UBA3: variants seen among roughly 807,000 people sequenced by gnomAD.
The protein encoded by UBA3 is NEDD8-activating enzyme E1 catalytic subunit.
In UBA3, 26 loss-of-function variants were observed where a neutral mutation model predicts 73.5. The observed-to-expected ratio is 0.35, with a 90% CI of 0.26 to 0.49. UBA3 has a LOEUF of 0.49. UBA3 is among the 20% of genes least tolerant of loss of function. The probability of loss-of-function intolerance (pLI) is 0.98; values close to 1 mark genes in which losing one functional copy is unlikely to be tolerated. For synonymous variants in UBA3, 217 were observed against 191.2 expected, an observed-to-expected ratio of 1.13 and a Z score of -1.11; for missense variants, 495 against 555.6, an observed-to-expected ratio of 0.89 and a Z score of 1.10.
At chr3:69,067,254 T>C (rs1008179027) in intron 6 of UBA3, among the ~76,000 whole-genome samples, 1 of 152,208 alleles carries the variant, frequency 6.6e-6, no homozygotes, top group African/African-American at 2.4e-5. Context: ...ATCAGCATTT[T>C]GTAGTTTTTC....
chr3:69,070,779 T>A (rs2092115754), intron 5 of UBA3, among the ~76,000 whole-genome samples: 1 of 152,016 alleles, frequency 6.6e-6, no homozygotes, highest in Non-Finnish European at 1.5e-5. Context: ...CAGCTTCCCA[T>A]GCAGCAGGGA....
intron 8 of UBA3, 86 bp from the exon 9 acceptor site, chr3:69,063,223 G>A (rs1204410154): frequency 1.8e-5 from 27 of 1,533,910 alleles, no homozygotes; most frequent in Admixed American, 5.7e-5. Flanking sequence ...CCTATGAGTC[G>A]GTTGTGCTAT....
At chr3:69,076,037 T>C (rs1201315736) in intron 3 of UBA3, among the ~76,000 whole-genome samples, 5 of 152,238 alleles carry the variant, frequency 3.3e-5, no homozygotes, top group Admixed American at 6.5e-5. Flanking sequence ...CGGCCATTAA[T>C]GTTTTTAAAT....
intron 17 of UBA3, 100 bp from the exon 18 acceptor site, chr3:69,055,625 A>C: frequency 1.0e-6 from 1 of 967,810 alleles, no homozygotes. Context: ...CTAGAAAAAC[A>C]TCAAAATCCA....
rs746331741 is a variant in UBA3, at chr3:69,061,938, A to C, written c.797-11T>G. 2 of 1,557,580 alleles carry C rather than the reference A, an allele frequency of 1.3e-6. No homozygotes were observed. The highest frequency in any genetic ancestry group is 3.9e-5 in the Admixed American group (2 of 50,672). On this transcript the variant is annotated splice_polypyrimidine_tract_variant and intron_variant, in intron 10 of 17. Coordinates refer to ENST00000361055, the MANE Select transcript of UBA3 (RefSeq NM_003968.4). ...CTAATGGAACCCCTTCTGTTTAAAA[A>C]AAAAAAGGGAGAGAGAGAGAGAGAG...
intron 2 of UBA3, among the ~76,000 whole-genome samples, chr3:69,078,639 A>G (rs113997516): frequency 0.11 from 16,460 of 151,890 alleles, 1,202 homozygotes; most frequent in Middle Eastern, 0.19. Flanking sequence ...ATACCCAGCC[A>G]ATTTTTGTAT....
chr3:69,056,117 T>C, intron 15 of UBA3, 54 bp from the exon 16 acceptor site: 1 of 1,558,156 alleles, frequency 6.4e-7, no homozygotes, highest in Non-Finnish European at 8.6e-7. Flanking sequence ...CAAAAGATAA[T>C]TTTTTTAAGG....
chr3:69,062,891 T>G lies in UBA3; in HGVS notation c.693+91A>C, dbSNP rs76896041. ...TTTTTAAAATACGGCCACTTCTAAT[T>G]AACAATCCTAAATATTAACTAGACT... On this transcript the variant is annotated intron_variant, in intron 9 of 17. Coordinates refer to ENST00000361055, the MANE Select transcript of UBA3 (RefSeq NM_003968.4). 3.1e-3 allele frequency: 4,540 copies of G among 1,472,104 alleles called. 119 individuals carry two copies. The African/African-American group carries it at 0.058, about 19-fold the overall frequency. 91.2% of individuals were successfully genotyped at this position (1,472,104 alleles called of 1,614,324 possible). A position where few individuals can be genotyped will look rare whatever the true frequency, so the allele number is the denominator to read the frequency against.
At chr3:69,066,160 TA>T (rs967091974) in intron 6 of UBA3, among the ~76,000 whole-genome samples, 1 of 152,162 alleles carries the variant, frequency 6.6e-6, no homozygotes, top group African/African-American at 2.4e-5. Context: ...TACAAAAAAT[TA>T]TTTTAATTTT....
intron 5 of UBA3, 179 bp downstream of exon 5, chr3:69,071,356 A>G (rs1231870761): frequency 2.0e-6 from 1 of 498,118 alleles, no homozygotes; most frequent in African/African-American, 2.1e-5. Flanking sequence ...ACTATCACCA[A>G]GATGCCCAAA....
chr3:69,076,659 C>T (rs1318499045), intron 3 of UBA3, among the ~76,000 whole-genome samples: 1 of 152,092 alleles, frequency 6.6e-6, no homozygotes, highest in East Asian at 1.9e-4. Context: ...CCTCCACCTC[C>T]AGGTGCAGTC....
At position 69,061,831 on chromosome 3, in the gene UBA3, G is replaced by A. The variant is rs201471678; in HGVS notation, c.893C>T (p.Thr298Met). The A allele has an allele frequency of 3.7e-6, 6 of 1,603,476 alleles. No homozygotes were observed. The highest frequency in any genetic ancestry group is 1.7e-5 in the Admixed American group (1 of 58,330). The change falls in exon 11 of 18, where the codon ACG becomes ATG. Residue 298 changes from threonine (T) to methionine (M), a missense_variant. Coordinates refer to ENST00000361055, the MANE Select transcript of UBA3 (RefSeq NM_003968.4). ...RASQYNIRGV[T>M]YRLTQGVVKR... ...TGACTTACCTTGAGTGAGCCTATAC[G>A]TAACACCCCTAATATTATATTGTGA...
At chr3:69,069,454 A>G (rs2092103824) in intron 5 of UBA3, among the ~76,000 whole-genome samples, 1 of 152,006 alleles carries the variant, frequency 6.6e-6, no homozygotes, top group Non-Finnish European at 1.5e-5. Flanking sequence ...CAGCCTCCAG[A>G]GTGCTGGGAC....
rs201601688 is a variant in UBA3, at chr3:69,062,843, T to C, written c.693+139A>G. ...TCCTCAAATAGAGCAGAATTTCATATTTTATCTTTCTTCTTAGTGTAATTT... is the reference window on the plus strand; with the variant it reads ...TCCTCAAATAGAGCAGAATTTCATACTTTATCTTTCTTCTTAGTGTAATTT... On this transcript the variant is annotated intron_variant, in intron 9 of 17. Coordinates refer to ENST00000361055, the MANE Select transcript of UBA3 (RefSeq NM_003968.4). The C allele has an allele frequency of 2.8e-6, 3 of 1,064,898 alleles. No homozygotes were observed. The South Asian group carries it at 5.3e-5, about 19-fold the overall frequency. The allele number at this position is 1,064,898 out of a possible 1,614,324, so 66.0% of individuals were successfully genotyped here. A position where few individuals can be genotyped will look rare whatever the true frequency, so the allele number is the denominator to read the frequency against.
At chr3:69,071,645 G>T in intron 4 of UBA3, 28 bp from the exon 5 acceptor site, 1 of 1,388,516 alleles carries the variant, frequency 7.2e-7, no homozygotes, top group Non-Finnish European at 9.8e-7. Context: ...ATCCAATTAA[G>T]CAGAAGTTTC....
chr3:69,064,075 G>C lies in UBA3; in HGVS notation c.465C>G (p.Phe155Leu). The change falls in exon 7 of 18, where the codon TTC (phenylalanine) becomes TTG (leucine). Residue 155 changes from phenylalanine (F) to leucine (L), a missense_variant. Transcript: ENST00000361055. Reference protein sequence around the residue: ...FNKIQDFNDTFYRQFHIIVCG... With the variant: ...FNKIQDFNDTLYRQFHIIVCG... ...TTCAAGTAAAAAACTTACGTCGATA[G>C]AAAGTGTCGTTAAAATCTTGAATCT... is the stretch of plus-strand genomic sequence containing the variant. 6.2e-7 allele frequency: 1 copy of C among 1,602,694 alleles called. No homozygotes were observed. The highest frequency in any genetic ancestry group is 1.7e-4 in the Middle Eastern group (1 of 6,018).
chr3:69,063,507 C>CAAAAAAAAAAAAAAAAAA lies in UBA3; in HGVS notation c.473-5_473-4insTTTTTTTTTTTTTTTTTT, dbSNP rs748063451. The CAAAAAAAAAAAAAAAAAA allele has an allele frequency of 1.2e-6, 1 of 838,778 alleles. No individual in the cohort carries two copies. The highest frequency in any genetic ancestry group is 1.6e-6 in the Non-Finnish European group (1 of 622,470). The allele number at this position is 838,778 out of a possible 1,614,324, so 52.0% of individuals were successfully genotyped here. ...CCACATACAATAATATGAAATTCTA[C>CAAAAAAAAAAAAAAAAAA]AAAAAAAAAAAAAAGCAACTTTAGT... On this transcript the variant is annotated splice_region_variant and splice_polypyrimidine_tract_variant and intron_variant, in intron 7 of 17. Coordinates refer to ENST00000361055, the MANE Select transcript of UBA3 (RefSeq NM_003968.4).
At chr3:69,071,340 A>G (rs927425685) in intron 5 of UBA3, 195 bp downstream of exon 5, 1 of 465,798 alleles carries the variant, frequency 2.1e-6, no homozygotes, top group Non-Finnish European at 3.8e-6. Flanking sequence ...ATTTGTTTAC[A>G]TAACTACTAT....
chr3:69,076,153 C>G (rs1321828344), intron 3 of UBA3, among the ~76,000 whole-genome samples: 3 of 152,156 alleles, frequency 2.0e-5, no homozygotes, highest in African/African-American at 7.2e-5. Context: ...ATTCAGTTAA[C>G]TGACTTCCTA....
Sources: allele counts gnomAD v4.1 joint callset (sites outside exome capture counted in the v4.1 genomes callset), GRCh38; gene constraint gnomAD v4.1.1; transcripts MANE v1.5; gene names NCBI Gene and HGNC (gene_info 2026-07-23, HGNC 2026-07-21).